MIA2: variants seen among roughly 807,000 people sequenced by gnomAD.
MIA2 encodes MIA SH3 domain ER export factor 2.
A neutral mutation model predicts 167.8 loss-of-function variants in MIA2; 127 were observed. The ratio of observed to expected loss-of-function variants is 0.76; its 90% confidence interval spans 0.66 to 0.88. The LOEUF (loss-of-function observed/expected upper bound fraction) is 0.88. MIA2 is among the 40% of genes least tolerant of loss of function. MIA2 has a pLI of 0.00. For missense variants in MIA2, 1,690 were observed against 1,624.7 expected (o/e 1.04, Z -0.69); for synonymous variants, 552 against 541.9 (o/e 1.02, Z -0.26).
At chr14:39,303,574 T>C in intron 16 of MIA2, 50 bp downstream of exon 16, 1 of 1,323,736 alleles carries the variant, frequency 7.6e-7, no homozygotes, top group Non-Finnish European at 1.1e-6. Flanking sequence ...AAAGAGAACG[T>C]GGATTACTCA....
In MIA2 at chr14:39,314,758, G is replaced by T; in HGVS notation, c.3139G>T (p.Glu1047Ter). The part of the protein sequence containing the change: ...ETYRKRAKDL[E>*]EELERTIHSY... ...ATTTAGAAAGCGAGCCAAAGATCTT[G>T]AAGAAGAATTGGAGAGAACTATTCA... Residue 1047 changes from glutamate (E) to a stop codon, truncating the protein, a stop_gained, in exon 20 of 29, where the codon GAA becomes TAA. Transcript: ENST00000640607. LOFTEE classifies it high-confidence loss of function. 6.2e-7 allele frequency: 1 copy of T among 1,608,352 alleles called. No homozygotes were observed. Among genetic ancestry groups the T allele is most frequent in the Non-Finnish European group, 8.5e-7 (1 of 1,177,026 alleles).
chr14:39,373,543 T>C (rs28464878), intron 23 of MIA2, among the ~76,000 whole-genome samples: 99,059 of 152,154 alleles, frequency 0.65, 33,565 homozygotes, highest in African/African-American at 0.85. Context: ...AAAATAGGGC[T>C]AGGCGTGGTG....
At chr14:39,276,866 C>T (rs1232237066) in intron 6 of MIA2, 68 bp from the exon 7 acceptor site, 38 of 1,554,030 alleles carry the variant, frequency 2.4e-5, no homozygotes, top group Non-Finnish European at 2.5e-5. Context: ...TAAACTTGTA[C>T]CTATGTTTGT....
chr14:39,288,261 A>G (rs900229185), intron 9 of MIA2, among the ~76,000 whole-genome samples: 13 of 151,558 alleles, frequency 8.6e-5, no homozygotes, highest in Non-Finnish European at 1.6e-4. Flanking sequence ...CAGGAATTCA[A>G]GTCCAACCTG....
intron 1 of MIA2, 145 bp from the exon 2 acceptor site, chr14:39,236,777 G>A (rs1158969824): frequency 5.5e-6 from 4 of 724,172 alleles, no homozygotes; most frequent in Non-Finnish European, 6.6e-6. Context: ...CAGTGGGAAG[G>A]CTATGTAGGT....
At chr14:39,274,467 C>T (rs1431020213) in intron 6 of MIA2, among the ~76,000 whole-genome samples, 1 of 143,174 alleles carries the variant, frequency 7.0e-6, no homozygotes, top group Non-Finnish European at 1.5e-5. Flanking sequence ...CTCACTCTGT[C>T]ACCCAGGCTG....
chr14:39,275,139 T>TGTGTGTGTGTGTG (rs371189920), intron 6 of MIA2, among the ~76,000 whole-genome samples: 4 of 126,634 alleles, frequency 3.2e-5, no homozygotes, highest in African/African-American at 6.0e-5. Flanking sequence ...CCTTAATCCT[T>TGTGTGTGTGTGTG]TGTGTGTGTG....
intron 23 of MIA2, chr14:39,370,738 C>G (rs769395704): frequency 6.2e-6 from 1 of 161,446 alleles, no homozygotes; most frequent in Non-Finnish European, 1.4e-5. Flanking sequence ...TGGCCCAGGC[C>G]CTCGAGCATT....
chr14:39,325,084 G>A (rs1013166641), intron 24 of MIA2, among the ~76,000 whole-genome samples: 7 of 152,036 alleles, frequency 4.6e-5, no homozygotes, highest in East Asian at 1.9e-4. Flanking sequence ...TTAACAAAGC[G>A]TGGTGGCACA....
chr14:39,288,450 TATA>T lies in MIA2; in HGVS notation c.2131-2568_2131-2566del, dbSNP rs2060144201. 3.4e-3 allele frequency among the ~76,000 whole-genome samples: 86 copies of T among 25,444 alleles called. 8 individuals carry two copies. The highest frequency in any genetic ancestry group is 8.3e-3 in the African/African-American group (56 of 6,724). 16.7% of individuals were successfully genotyped at this position (25,444 alleles called of 152,430 possible). On this transcript the variant is annotated intron_variant, in intron 9 of 28. Coordinates refer to ENST00000640607, the MANE Select transcript of MIA2 (RefSeq NM_001329214.4). ...TATTATACATATATATATATATATA[TATA>T]TATATATATATATATATATATATTT...
intron 9 of MIA2, among the ~76,000 whole-genome samples, chr14:39,283,647 C>T (rs1033260506): frequency 6.6e-6 from 1 of 152,158 alleles, no homozygotes; most frequent in Non-Finnish European, 1.5e-5. Flanking sequence ...CTTTTCTCCA[C>T]ACCTTCACAA....
At chr14:39,360,453 TG>T (rs1476871313) in intron 23 of MIA2, among the ~76,000 whole-genome samples, 6 of 151,648 alleles carry the variant, frequency 4.0e-5, no homozygotes, top group African/African-American at 1.2e-4. Context: ...CATGTTTTAA[TG>T]TTTTTTTTTT....
rs1411324589 is a variant in MIA2, at chr14:39,247,227, C to A, written c.653C>A (p.Ser218Ter). 3 of 1,613,980 alleles carry A rather than the reference C, an allele frequency of 1.9e-6. No individual in the cohort carries two copies. The highest frequency in any genetic ancestry group is 2.5e-6 in the Non-Finnish European group (3 of 1,180,022). The change falls in exon 4 of 29, where the codon TCA becomes TAA. Residue 218 changes from serine (S) to a stop codon, truncating the protein, a stop_gained. Coordinates refer to ENST00000640607, the MANE Select transcript of MIA2 (RefSeq NM_001329214.4). LOFTEE classifies it high-confidence loss of function. ...CCAGAAGTGCATGTCCCACCATCTT[C>A]AGCTGTGTCTGGAGTCAAAGAATGG... ...RIPEVHVPPS[S>*]AVSGVKEWFG...
At chr14:39,267,651 T>C (rs2056164567) in intron 6 of MIA2, 9 of 1,108,658 alleles carry the variant, frequency 8.1e-6, no homozygotes, top group Admixed American at 5.3e-5. Context: ...CCTCGTCTGC[T>C]GCCCGGCTCC....
At chr14:39,332,561 C>T (rs531866731) in intron 25 of MIA2, among the ~76,000 whole-genome samples, 1 of 152,196 alleles carries the variant, frequency 6.6e-6, no homozygotes, top group Admixed American at 6.5e-5. Flanking sequence ...CTGGTTTTTC[C>T]TCATCTTCCT....
chr14:39,310,848 A>G (rs1174801924), intron 18 of MIA2, among the ~76,000 whole-genome samples: 2 of 152,208 alleles, frequency 1.3e-5, no homozygotes, highest in African/African-American at 4.8e-5. Flanking sequence ...GGGACTGCTC[A>G]GGGTATGCAA....
intron 7 of MIA2, among the ~76,000 whole-genome samples, chr14:39,278,647 A>C (rs1236435779): frequency 6.6e-6 from 1 of 152,170 alleles, no homozygotes; most frequent in Non-Finnish European, 1.5e-5. Flanking sequence ...GTCAGTTCAG[A>C]TCTATGGCCC....
At chr14:39,357,649 G>A (rs371632887) in intron 23 of MIA2, among the ~76,000 whole-genome samples, 1 of 152,120 alleles carries the variant, frequency 6.6e-6, no homozygotes, top group South Asian at 2.1e-4. Flanking sequence ...TCCTAGCCTC[G>A]ATGGTCTTCA....
At chr14:39,269,476 C>T (rs985810184) in intron 6 of MIA2, among the ~76,000 whole-genome samples, 3 of 151,692 alleles carry the variant, frequency 2.0e-5, no homozygotes, top group African/African-American at 7.3e-5. Flanking sequence ...GTTTTCAAGG[C>T]TTATCCATGT....
Sources: allele counts gnomAD v4.1 joint callset (sites outside exome capture counted in the v4.1 genomes callset), GRCh38; gene constraint gnomAD v4.1.1; transcripts MANE v1.5; gene names NCBI Gene and HGNC (gene_info 2026-07-23, HGNC 2026-07-21).